The following PPP1R37 variants were observed in gnomAD, a reference collection of about 807,000 sequenced individuals.
PPP1R37 encodes leucine rich repeat containing 68.
A neutral mutation model predicts 61.0 loss-of-function variants in PPP1R37; 21 were observed. That is an observed-to-expected ratio of 0.34 (90% CI 0.24 to 0.50). The LOEUF (loss-of-function observed/expected upper bound fraction) is 0.50. Among genes scored for constraint, PPP1R37 ranks in the 20% least tolerant of loss-of-function variants. PPP1R37 has a pLI of 0.98. For synonymous variants in PPP1R37, 443 were observed against 433.5 expected (o/e 1.02, Z -0.27); for missense variants, 910 against 952.7 (o/e 0.96, Z 0.59).
chr19:45,135,190 G>A (rs1466705518), intron 1 of PPP1R37, among the ~76,000 whole-genome samples: 1 of 152,226 alleles, frequency 6.6e-6, no homozygotes, highest in Non-Finnish European at 1.5e-5. Context: ...AGAGGTTGCA[G>A]TGGGCTGAGA....
rs1968624392 is a variant in PPP1R37 at position 45,142,333 on chromosome 19, G to A, written c.749G>A (p.Arg250Gln). 5.2e-6 allele frequency: 8 copies of A among 1,536,048 alleles called. No homozygotes were observed. Among genetic ancestry groups the A allele is most frequent in the East Asian group, 2.4e-5 (1 of 40,904 alleles). The change falls in exon 7 of 13, where the codon CGG (arginine) becomes CAG (glutamine). Residue 250 changes from arginine to glutamine, a missense_variant. Transcript: ENST00000221462. The stretch of plus-strand genomic sequence containing the variant: ...GCCCTGAAGATGAACATGAACCTGC[G>A]GGAGCTGTACCTGGCGGACAACAAG... ...ATALKMNMNL[R>Q]ELYLADNKLN...
chr19:45,123,576 C>G (rs1284348742), intron 1 of PPP1R37, among the ~76,000 whole-genome samples: 1 of 152,296 alleles, frequency 6.6e-6, no homozygotes, highest in African/African-American at 2.4e-5. Context: ...TCTGTCCGCT[C>G]CCACAGGTGT....
intron 1 of PPP1R37, among the ~76,000 whole-genome samples, chr19:45,134,697 C>G (rs990537850): frequency 3.9e-5 from 6 of 151,934 alleles, no homozygotes; most frequent in African/African-American, 1.5e-4. Flanking sequence ...GTACGTGGAA[C>G]TACAGGAACC....
intron 1 of PPP1R37, chr19:45,136,189 T>C (rs990391938): frequency 1.1e-4 from 16 of 152,218 alleles, no homozygotes; most frequent in Non-Finnish European, 1.5e-5. Context: ...TGTGAAGCGA[T>C]AGGATGTAGC....
In PPP1R37 at chr19:45,142,098, C is replaced by T. The variant is rs1219668988; in HGVS notation, c.605C>T (p.Pro202Leu). The T allele has an allele frequency of 6.5e-7, 1 of 1,531,316 alleles. No individual in the cohort carries two copies. Among genetic ancestry groups the T allele is most frequent in the African/African-American group, 1.4e-5 (1 of 72,912 alleles). The allele number at this position is 1,531,316 out of a possible 1,614,324, so 94.9% of individuals were successfully genotyped here. Residue 202 changes from proline to leucine, a missense_variant, in exon 6 of 13, where the codon CCC becomes CTC. Coordinates refer to ENST00000221462, the MANE Select transcript of PPP1R37 (RefSeq NM_019121.2). ...CLQYLDARNTPLLDHSAPFVA... is the reference protein window; with the variant it reads ...CLQYLDARNTLLLDHSAPFVA... ...CAGTATCTGGACGCCCGCAACACGCCCCTGCTGGACCACTCGGCGCCCTTC... is the reference window on the plus strand; with the variant it reads ...CAGTATCTGGACGCCCGCAACACGCTCCTGCTGGACCACTCGGCGCCCTTC...
intron 1 of PPP1R37, among the ~76,000 whole-genome samples, chr19:45,120,919 A>C (rs2122730638): frequency 6.6e-6 from 1 of 152,302 alleles, no homozygotes; most frequent in East Asian, 1.9e-4. Context: ...TGTGCCCCGC[A>C]CATTTGTACT....
chr19:45,100,321 C>T (rs1054685205), intron 1 of PPP1R37: 8 of 152,202 alleles, frequency 5.3e-5, no homozygotes, highest in African/African-American at 1.9e-4. Context: ...CTGAGCCGGC[C>T]ACCTGCTGCA....
chr19:45,139,726 G>A (rs1015795390), intron 2 of PPP1R37, among the ~76,000 whole-genome samples: 7 of 152,268 alleles, frequency 4.6e-5, no homozygotes, highest in Non-Finnish European at 7.3e-5. Context: ...CATCGGCCTG[G>A]TTCAGACCAG....
chr19:45,146,552 C>G lies in PPP1R37; in HGVS notation c.*9-19C>G. On this transcript the variant is annotated intron_variant, in intron 12 of 12. Transcript: ENST00000221462. ...GCCTCTGGCTCTGACAGTCTCTCCCCCAATCTCTCCTCCCCAAGTTCCCTT... is the reference window on the plus strand; with the variant it reads ...GCCTCTGGCTCTGACAGTCTCTCCCGCAATCTCTCCTCCCCAAGTTCCCTT... 1.1e-5 allele frequency: 12 copies of G among 1,097,634 alleles called. No homozygotes were observed. The highest frequency in any genetic ancestry group is 5.2e-5 in the East Asian group (2 of 38,268). The allele number at this position is 1,097,634 out of a possible 1,614,324, so 68.0% of individuals were successfully genotyped here.
At chr19:45,117,981 G>C (rs1274713589) in intron 1 of PPP1R37, among the ~76,000 whole-genome samples, 1 of 152,260 alleles carries the variant, frequency 6.6e-6, no homozygotes, top group Non-Finnish European at 1.5e-5. Flanking sequence ...CTGAGAGGCT[G>C]TTGGGGGTGG....
chr19:45,112,676 C>T (rs892233013), intron 1 of PPP1R37, among the ~76,000 whole-genome samples: 13 of 152,292 alleles, frequency 8.5e-5, no homozygotes, highest in Non-Finnish European at 1.5e-4. Context: ...TTCCTTTGCC[C>T]CAGCTCTACC....
chr19:45,109,444 C>T (rs773155369), intron 1 of PPP1R37, among the ~76,000 whole-genome samples: 15 of 152,208 alleles, frequency 9.9e-5, no homozygotes, highest in Admixed American at 3.3e-4. Flanking sequence ...AGTGGAGGCC[C>T]GGCCTGGGAA....
intron 4 of PPP1R37, 104 bp from the exon 5 acceptor site, chr19:45,141,218 G>A: frequency 7.5e-7 from 1 of 1,338,560 alleles, no homozygotes; most frequent in South Asian, 1.5e-5. Context: ...GCTCTCTCCA[G>A]ACCCTGGACC....
intron 8 of PPP1R37, 119 bp downstream of exon 8, chr19:45,143,752 G>A (rs868324344): frequency 1.1e-4 from 68 of 594,000 alleles, no homozygotes; most frequent in Non-Finnish European, 3.9e-5. Context: ...GCAGGTTCAA[G>A]ACGATTTAAA....
Position 45,121,957 on chromosome 19 carries a change from C to T in PPP1R37, c.203-16557C>T, listed in dbSNP as rs137965822. 9.9e-5 allele frequency among the ~76,000 whole-genome samples: 15 copies of T among 152,066 alleles called. No homozygotes were observed. The highest frequency in any genetic ancestry group is 2.1e-4 in the South Asian group (1 of 4,812). On this transcript the variant is annotated intron_variant, in intron 1 of 12. Transcript: ENST00000221462. The surrounding 1 kb of genome is among the most constrained non-coding windows in gnomAD (Gnocchi z 4.2). ...ATGGTCTCCACGTGGGCAGTGTAGA[C>T]GTGTGGTTTTGCAGGGATAGAGACG...
intron 1 of PPP1R37, among the ~76,000 whole-genome samples, chr19:45,112,577 A>C (rs1968215176): frequency 6.6e-6 from 1 of 152,256 alleles, no homozygotes; most frequent in Middle Eastern, 3.4e-3. Context: ...CAATGCGAAC[A>C]AGACTCACAG....
At chr19:45,115,133 G>C (rs754124200) in intron 1 of PPP1R37, among the ~76,000 whole-genome samples, 1 of 152,210 alleles carries the variant, frequency 6.6e-6, no homozygotes, top group African/African-American at 2.4e-5. Flanking sequence ...TGCCTTCCAG[G>C]CTTATTGTCC....
chr19:45,145,759 T>C lies in PPP1R37; in HGVS notation c.1703T>C (p.Val568Ala), dbSNP rs1968686572. ...SVSSPGRGHK[V>A]FVVTRVESPP... ...TCCAGCCCGGGCCGGGGCCACAAGG[T>C]GTTTGTGGTGACCCGGGTGGAGAGC... The change falls in exon 11 of 13, where the codon GTG becomes GCG. Residue 568 changes from valine (V) to alanine (A), a missense_variant. Around this residue, in one of 3 missense-constraint regions of PPP1R37, gnomAD observed 549 missense variants for 505.1 expected, o/e 1.09. Coordinates refer to ENST00000221462, the MANE Select transcript of PPP1R37 (RefSeq NM_019121.2). The C allele has an allele frequency of 6.6e-7, 1 of 1,521,060 alleles. No individual in the cohort carries two copies. Among genetic ancestry groups the C allele is most frequent in the South Asian group, 1.2e-5 (1 of 81,962 alleles). The allele number at this position is 1,521,060 out of a possible 1,614,324, so 94.2% of individuals were successfully genotyped here. A position where few individuals can be genotyped will look rare whatever the true frequency, so the allele number is the denominator to read the frequency against.
At position 45,142,167 on chromosome 19, in the gene PPP1R37, A is replaced by G; in HGVS notation, c.674A>G (p.His225Arg). ...LRIRSSLAVL[H>R]LENASLSGRP... ...ATCCGCAGCAGCCTGGCAGTGCTGC[A>G]CTTGGAGAACGCCAGCCTGTCGGGG... is the stretch of plus-strand genomic sequence containing the variant. Residue 225 changes from histidine (H) to arginine (R), a missense_variant, in exon 6 of 13, where the codon CAC (histidine) becomes CGC (arginine). Physicochemically the swap from His to Arg is conservative, Grantham distance 29. Transcript: ENST00000221462. 2 of 1,535,300 alleles carry G rather than the reference A, an allele frequency of 1.3e-6. No homozygotes were observed. The highest frequency in any genetic ancestry group is 1.7e-6 in the Non-Finnish European group (2 of 1,146,522).
Sources: gnomAD v4.1 joint callset for allele counts (sites outside exome capture counted in the v4.1 genomes callset) on GRCh38, gnomAD v4.1.1 for gene constraint, gnomAD v4.1.1 regional missense constraint, Gnocchi (gnomAD v3.1) non-coding constraint, MANE v1.5 for transcripts, NCBI Gene and HGNC (gene_info 2026-07-23, HGNC 2026-07-21) for gene names.